Variants in APBB1 observed in about 807,000 individuals in gnomAD.
The protein encoded by APBB1 is amyloid beta precursor protein binding family B member 1, also known as adaptor protein FE65a2.
APBB1 carries 22 observed loss-of-function variants against 78.4 expected under a neutral mutation model. The ratio of observed to expected loss-of-function variants is 0.28; its 90% CI spans 0.20 to 0.40. APBB1 has a LOEUF of 0.40. Ranked by LOEUF, APBB1 falls within the 10% of genes least tolerant of loss-of-function variation. APBB1 has a pLI of 1.00. For missense variants in APBB1, 749 were observed against 932.4 expected (o/e 0.80, Z 2.56); for synonymous variants, 369 against 372.7 (o/e 0.99, Z 0.12).
chr11:6,406,272 G>A (rs184954097), intron 2 of APBB1, among the ~76,000 whole-genome samples: 26 of 152,040 alleles, frequency 1.7e-4, no homozygotes, highest in African/African-American at 3.6e-4. Flanking sequence ...TCCTTCATTC[G>A]TTCATCCACA....
chr11:6,396,258 G>A, intron 12 of APBB1, 43 bp from the exon 13 acceptor site: 2 of 1,483,944 alleles, frequency 1.3e-6, no homozygotes, highest in East Asian at 4.9e-5. Flanking sequence ...GTAGACAGAG[G>A]ATACCCCAGC....
At chr11:6,415,775 C>T (rs1295525494) in intron 1 of APBB1, among the ~76,000 whole-genome samples, 1 of 152,194 alleles carries the variant, frequency 6.6e-6, no homozygotes, top group Non-Finnish European at 1.5e-5. Flanking sequence ...ACTGCTTCAC[C>T]TATGATTTGG....
chr11:6,410,653 G>T lies in APBB1; in HGVS notation c.695C>A (p.Pro232His). 1.3e-6 allele frequency: 2 copies of T among 1,517,630 alleles called. No individual in the cohort carries two copies. The highest frequency in any genetic ancestry group is 1.8e-6 in the Non-Finnish European group (2 of 1,133,960). 94.0% of individuals were successfully genotyped at this position (1,517,630 alleles called of 1,614,324 possible). A position where few individuals can be genotyped will look rare whatever the true frequency, so the allele number is the denominator to read the frequency against. ...TGTGTCCTCTGGGGAGCCATAGGAG[G>T]GGCTGCCCTGGGATAAGGTAGCCCA... ...SSWATLSQGS[P>H]SYGSPEDTDS... Residue 232 changes from proline (P) to histidine (H), a missense_variant, in exon 2 of 15, where the codon CCC (proline) becomes CAC (histidine). Transcript: ENST00000609360.
intron 2 of APBB1, among the ~76,000 whole-genome samples, chr11:6,409,815 T>C (rs989797376): frequency 2.0e-5 from 3 of 146,396 alleles, no homozygotes; most frequent in Non-Finnish European, 2.9e-5. Flanking sequence ...CTCAGCTTAA[T>C]TTAAATGGAC....
At chr11:6,405,273 C>T in intron 2 of APBB1, 1 of 1,000,818 alleles carries the variant, frequency 1.0e-6, no homozygotes. Flanking sequence ...GGGATCCCGC[C>T]CCTGTCCAGG....
intron 7 of APBB1, 159 bp downstream of exon 7, chr11:6,402,417 C>CTTGGGAGATAG: frequency 9.2e-7 from 1 of 1,089,368 alleles, no homozygotes; most frequent in Non-Finnish European, 1.3e-6. Flanking sequence ...TCCCAAGGTC[C>CTTGGGAGATAG]TGGCCTGGGG....
In APBB1 at chr11:6,403,300, A is replaced by G. The variant is rs1007001200; in HGVS notation, c.1040+19T>C. ...GACAGATCCATCCCACTGCCAGCTC[A>G]CTGCATCTGGCAGCTCACCTGAGGC... On this transcript the variant is annotated intron_variant, in intron 5 of 14. Coordinates refer to ENST00000609360, the MANE Select transcript of APBB1 (RefSeq NM_001164.5). The surrounding 1 kb of genome is among the most constrained non-coding windows in gnomAD (Gnocchi z 5.3). 7 of 1,613,136 alleles carry G rather than the reference A, an allele frequency of 4.3e-6. No individual in the cohort carries two copies. In the Admixed American group the frequency reaches 8.3e-5, roughly 19 times the overall value.
In APBB1 at chr11:6,401,685, G is replaced by A; in HGVS notation, c.1392C>T (p.Asp464=). Residue 464 remains aspartate, a synonymous_variant, in exon 10 of 15, where the codon GAC becomes GAT. Coordinates refer to ENST00000609360, the MANE Select transcript of APBB1 (RefSeq NM_001164.5). The surrounding 1 kb of genome is among the most constrained non-coding windows in gnomAD (Gnocchi z 4.5). Reference sequence around the variant, plus strand: ...GCTTATCACGAGCTACGTAGGCAAAGTCCCTGTTGGGGAAGGGGCACCTCA... The same window carrying A: ...GCTTATCACGAGCTACGTAGGCAAAATCCCTGTTGGGGAAGGGGCACCTCA... The part of the protein sequence containing the change: ...GVGRDSGRER[D]FAYVARDKLT... The A allele has an allele frequency of 6.2e-7, 1 of 1,614,170 alleles. No individual in the cohort carries two copies. Among genetic ancestry groups the A allele is most frequent in the Non-Finnish European group, 8.5e-7 (1 of 1,180,024 alleles).
chr11:6,404,661 C>T, intron 2 of APBB1: 3 of 1,536,332 alleles, frequency 2.0e-6, no homozygotes, highest in Non-Finnish European at 2.6e-6. Context: ...CACTCCAACC[C>T]TGTAACCCGC....
At chr11:6,408,608 G>A (rs1035210200) in intron 2 of APBB1, among the ~76,000 whole-genome samples, 3 of 151,496 alleles carry the variant, frequency 2.0e-5, no homozygotes, top group African/African-American at 7.3e-5. Context: ...GGGTTCAAGT[G>A]ATTCTCCTGC....
At chr11:6,407,773 A>ATT (rs34560475) in intron 2 of APBB1, among the ~76,000 whole-genome samples, 37,388 of 137,556 alleles carry the variant, frequency 0.27, 5,589 homozygotes, top group African/African-American at 0.38. Context: ...TAGTAGAAGT[A>ATT]TTTTTTTTTT....
At position 6,405,135 on chromosome 11, in the gene APBB1, C is replaced by G. The variant is rs2134086158; in HGVS notation, c.722-1313G>C. ...CCATCCCACCCTCCAGTGGTTACCT[C>G]AGTGCCTAAGCCAAGCCCAGTCTTA... On this transcript the variant is annotated intron_variant, in intron 2 of 14. Transcript: ENST00000609360. 3.1e-6 allele frequency: 4 copies of G among 1,278,120 alleles called. 1 individual carries two copies. The East Asian group carries it at 1.4e-4, about 45-fold the overall frequency. The allele number at this position is 1,278,120 out of a possible 1,614,324, so 79.2% of individuals were successfully genotyped here.
intron 7 of APBB1, 139 bp from the exon 8 acceptor site, chr11:6,402,348 C>T: frequency 1.6e-6 from 2 of 1,289,564 alleles, no homozygotes; most frequent in Non-Finnish European, 2.1e-6. Flanking sequence ...GCAGGCCTCA[C>T]TCTAGTGGAG....
In APBB1 at chr11:6,403,551, G is replaced by A. The variant is rs753099774; in HGVS notation, c.898-7C>T. The A allele has an allele frequency of 6.2e-7, 1 of 1,614,084 alleles. No homozygotes were observed. The highest frequency in any genetic ancestry group is 8.5e-7 in the Non-Finnish European group (1 of 1,180,036). On this transcript the variant is annotated splice_region_variant and splice_polypyrimidine_tract_variant and intron_variant, in intron 3 of 14. Coordinates refer to ENST00000609360, the MANE Select transcript of APBB1 (RefSeq NM_001164.5). The surrounding 1 kb of genome is among the most constrained non-coding windows in gnomAD (Gnocchi z 5.3). ...CAAAACCTGTCCAGGTGAGCTAGGA[G>A]GAGGGATGGGAGTAGTGAGTGAGTG...
At chr11:6,399,565 G>A (rs1056488899) in intron 12 of APBB1, among the ~76,000 whole-genome samples, 1 of 152,112 alleles carries the variant, frequency 6.6e-6, no homozygotes, top group Non-Finnish European at 1.5e-5. Flanking sequence ...TGTTGCCCAA[G>A]ATACTCTCAT....
chr11:6,403,307 C>G lies in APBB1; in HGVS notation c.1040+12G>C. The G allele has an allele frequency of 1.2e-6, 2 of 1,613,920 alleles. No homozygotes were observed. Among genetic ancestry groups the G allele is most frequent in the Non-Finnish European group, 1.7e-6 (2 of 1,179,894 alleles). On this transcript the variant is annotated intron_variant, in intron 5 of 14. Coordinates refer to ENST00000609360, the MANE Select transcript of APBB1 (RefSeq NM_001164.5). The surrounding 1 kb of genome is among the most constrained non-coding windows in gnomAD (Gnocchi z 5.3). ...CCATCCCACTGCCAGCTCACTGCAT[C>G]TGGCAGCTCACCTGAGGCTCTGAGC...
At chr11:6,399,245 T>C (rs1180503620) in intron 12 of APBB1, among the ~76,000 whole-genome samples, 1 of 152,126 alleles carries the variant, frequency 6.6e-6, no homozygotes, top group Non-Finnish European at 1.5e-5. Flanking sequence ...AAAACTCCTA[T>C]CTCCAGCCCA....
chr11:6,401,815 T>C lies in APBB1; in HGVS notation c.1389-127A>G, dbSNP rs750393086. On this transcript the variant is annotated intron_variant, in intron 9 of 14. Transcript: ENST00000609360. The surrounding 1 kb of genome is among the most constrained non-coding windows in gnomAD (Gnocchi z 4.5). ...GCTTCTGCCCACAGCTGGTCCCCCA[T>C]AGGTGCTGCCTTCTTGGGGGGGAGG... 3.5e-6 allele frequency: 5 copies of C among 1,416,786 alleles called. No homozygotes were observed. The highest frequency in any genetic ancestry group is 1.4e-5 in the African/African-American group (1 of 71,136). The allele number at this position is 1,416,786 out of a possible 1,614,324, so 87.8% of individuals were successfully genotyped here. A position where few individuals can be genotyped will look rare whatever the true frequency, so the allele number is the denominator to read the frequency against.
upstream of APBB1, chr11:6,419,135 AG>A (rs572109099): frequency 5.0e-3 from 1,806 of 358,342 alleles, 36 homozygotes; most frequent in African/African-American, 0.036. Context: ...GCGCAAGGGG[AG>A]GGGGAGGGGC....
Sources: gnomAD v4.1 joint callset for allele counts (sites outside exome capture counted in the v4.1 genomes callset) on GRCh38, gnomAD v4.1.1 for gene constraint, Gnocchi (gnomAD v3.1) non-coding constraint, MANE v1.5 for transcripts, NCBI Gene and HGNC (gene_info 2026-07-23, HGNC 2026-07-21) for gene names.